The following ARMC8 variants were observed in gnomAD, a reference collection of about 807,000 sequenced individuals.
The protein encoded by ARMC8 is armadillo repeat-containing protein 8.
In ARMC8, 20 loss-of-function variants were observed where a neutral mutation model predicts 99.3. The ratio of observed to expected loss-of-function variants is 0.20; its 90% CI spans 0.14 to 0.29. The LOEUF is 0.29. Ranked by LOEUF, ARMC8 falls within the 10% of genes least tolerant of loss-of-function variation. The pLI is 1.00. For synonymous variants in ARMC8, 263 were observed against 278.3 expected (o/e 0.95, Z 0.55); for missense variants, 569 against 809.5 (o/e 0.70, Z 3.60).
chr3:138,219,764 T>C (rs1286039809), intron 2 of ARMC8, among the ~76,000 whole-genome samples: 1 of 152,238 alleles, frequency 6.6e-6, no homozygotes, highest in African/African-American at 2.4e-5. Context: ...CATTGTATTG[T>C]GTTCTCTTTA....
At chr3:138,268,594 T>G (rs2048496691) in intron 15 of ARMC8, among the ~76,000 whole-genome samples, 1 of 152,066 alleles carries the variant, frequency 6.6e-6, no homozygotes, top group South Asian at 2.1e-4. Flanking sequence ...CGGGGCAACA[T>G]AGCAAGACCT....
At chr3:138,200,063 T>C (rs750909087) in intron 1 of ARMC8, among the ~76,000 whole-genome samples, 7 of 152,218 alleles carry the variant, frequency 4.6e-5, no homozygotes, top group Non-Finnish European at 8.8e-5. Context: ...ATAATAGATA[T>C]TTTGTGGCAC....
chr3:138,207,037 C>T (rs545938034), intron 1 of ARMC8, among the ~76,000 whole-genome samples: 3 of 152,318 alleles, frequency 2.0e-5, no homozygotes, highest in South Asian at 2.1e-4. Context: ...TTACATCCTG[C>T]GGTGCCTCTC....
intron 12 of ARMC8, among the ~76,000 whole-genome samples, chr3:138,260,875 C>T (rs910357374): frequency 2.0e-5 from 3 of 152,178 alleles, no homozygotes; most frequent in Non-Finnish European, 4.4e-5. Flanking sequence ...CTTCTACCAC[C>T]ACCACATTCT....
rs112163282 is a variant in ARMC8, at chr3:138,212,732, A to G, written c.122+2839A>G. Among the ~76,000 whole-genome samples, 740 of 152,334 alleles carry G rather than the reference A, an allele frequency of 4.9e-3. 5 individuals carry two copies. The highest frequency in any genetic ancestry group is 6.7e-3 in the Non-Finnish European group (457 of 68,038). Reference sequence around the variant, plus strand: ...GTCATCATTAAGTCACCATTAAGTCATCATTAAGAGACCATTACTAGACCA... The same window carrying G: ...GTCATCATTAAGTCACCATTAAGTCGTCATTAAGAGACCATTACTAGACCA... On this transcript the variant is annotated intron_variant, in intron 2 of 21. Transcript: ENST00000469044.
In ARMC8 at chr3:138,235,044, A is replaced by C; in HGVS notation, c.539A>C (p.His180Pro). The stretch of plus-strand genomic sequence containing the variant: ...TCTTTTTTCTTACAGGGGCCAGATC[A>C]TCAAACAATTTTATTTAACCACGGT... ...IFSHCCKGPD[H>P]QTILFNHGAV... Residue 180 changes from histidine (H) to proline (P), a missense_variant, in exon 7 of 22, where the codon CAT becomes CCT. His to Pro is a moderately conservative substitution (Grantham distance 77, BLOSUM62 -2). Transcript: ENST00000469044. 1 of 1,613,652 alleles carries C rather than the reference A, an allele frequency of 6.2e-7. No homozygotes were observed. The highest frequency in any genetic ancestry group is 1.1e-5 in the South Asian group (1 of 91,060).
intron 14 of ARMC8, 89 bp downstream of exon 14, chr3:138,264,301 A>G (rs957242226): frequency 3.9e-5 from 37 of 954,838 alleles, no homozygotes; most frequent in Non-Finnish European, 5.5e-5. Context: ...GTCTAGGAGT[A>G]TGTCTGATTT....
At chr3:138,188,145 A>G (rs1215303765) in intron 1 of ARMC8, 6 of 246,738 alleles carry the variant, frequency 2.4e-5, no homozygotes, top group Non-Finnish European at 4.8e-5. Flanking sequence ...CTTTTTGGCA[A>G]TGGTGATTCG....
At chr3:138,234,947 G>A (rs2046252467) in intron 6 of ARMC8, 87 bp from the exon 7 acceptor site, 2 of 1,060,650 alleles carry the variant, frequency 1.9e-6, no homozygotes. Context: ...TGTAGTGAAT[G>A]TGGTTTTCTA....
intron 6 of ARMC8, among the ~76,000 whole-genome samples, chr3:138,234,185 A>AGCCTCC (rs759275742): frequency 2.0e-5 from 3 of 151,488 alleles, no homozygotes; most frequent in Non-Finnish European, 4.4e-5. Flanking sequence ...GGCTCACTGC[A>AGCCTCC]GCCTCCGCCT....
Position 138,290,408 on chromosome 3 carries a change from T to A in ARMC8, c.1895-138T>A, listed in dbSNP as rs2050824641. 7 of 635,950 alleles carry A rather than the reference T, an allele frequency of 1.1e-5. No homozygotes were observed. In the South Asian group the frequency reaches 1.4e-4, roughly 12 times the overall value. The allele number at this position is 635,950 out of a possible 1,614,324, so 39.4% of individuals were successfully genotyped here. A position where few individuals can be genotyped will look rare whatever the true frequency, so the allele number is the denominator to read the frequency against. ...CCAAGCATGAGCGGGTCCAACTACA[T>A]TGGGAGAGGGTAGAGGACAAGGGGT... On this transcript the variant is annotated intron_variant, in intron 20 of 21. Coordinates refer to ENST00000469044, the MANE Select transcript of ARMC8 (RefSeq NM_001363941.2).
intron 10 of ARMC8, among the ~76,000 whole-genome samples, chr3:138,240,637 T>G (rs1191988499): frequency 6.6e-6 from 1 of 152,224 alleles, no homozygotes; most frequent in Non-Finnish European, 1.5e-5. Context: ...ATTATAAAGC[T>G]TCTACTAGCC....
At chr3:138,249,169 T>C (rs1271541712) in intron 12 of ARMC8, among the ~76,000 whole-genome samples, 1 of 152,194 alleles carries the variant, frequency 6.6e-6, no homozygotes, top group Non-Finnish European at 1.5e-5. Context: ...TATTGCATTA[T>C]TAAGCACCCA....
chr3:138,206,381 C>A (rs2044373030), intron 1 of ARMC8, among the ~76,000 whole-genome samples: 1 of 152,220 alleles, frequency 6.6e-6, no homozygotes, highest in Non-Finnish European at 1.5e-5. Context: ...CAGCTCTTTA[C>A]CATCTGGCGC....
intron 1 of ARMC8, among the ~76,000 whole-genome samples, chr3:138,193,521 C>T (rs2043517057): frequency 6.6e-6 from 1 of 152,224 alleles, no homozygotes; most frequent in African/African-American, 2.4e-5. Context: ...CCACCTTGGC[C>T]TCCCCAAGTG....
intron 11 of ARMC8, among the ~76,000 whole-genome samples, chr3:138,244,196 A>G (rs1313910892): frequency 6.6e-6 from 1 of 152,170 alleles, no homozygotes; most frequent in Non-Finnish European, 1.5e-5. Flanking sequence ...ATAGATAATA[A>G]TGGTTACCAT....
chr3:138,211,019 GC>G (rs1213598098), intron 2 of ARMC8, among the ~76,000 whole-genome samples: 8 of 151,430 alleles, frequency 5.3e-5, no homozygotes, highest in African/African-American at 1.7e-4. Flanking sequence ...TGTTAACTTT[GC>G]CTTTGTTCCC....
Position 138,296,479 on chromosome 3 carries a change from A to G in ARMC8, c.*587A>G, listed in dbSNP as rs1403063811. 6.6e-6 allele frequency: 1 copy of G among 152,174 alleles called. No individual in the cohort carries two copies. The highest frequency in any genetic ancestry group is 1.9e-4 in the East Asian group (1 of 5,204). 9.4% of individuals were successfully genotyped at this position (152,174 alleles called of 1,614,324 possible). A position where few individuals can be genotyped will look rare whatever the true frequency, so the allele number is the denominator to read the frequency against. ...GGTTATGTTGAATTTTGGTCAGATG[A>G]ATATTTGTAAGTAAAAAATATATGC... On this transcript the variant is annotated 3_prime_UTR_variant, in exon 22 of 22. Transcript: ENST00000469044.
chr3:138,256,402 CTTTTTTT>C (rs71146121), intron 12 of ARMC8, among the ~76,000 whole-genome samples: 3 of 90,302 alleles, frequency 3.3e-5, no homozygotes, highest in African/African-American at 9.1e-5. Context: ...TTTCCTCCTT[CTTTTTTT>C]TTTTTTTTTT....
Sources: allele counts gnomAD v4.1 joint callset (sites outside exome capture counted in the v4.1 genomes callset), GRCh38; gene constraint gnomAD v4.1.1; transcripts MANE v1.5; gene names NCBI Gene and HGNC (gene_info 2026-07-23, HGNC 2026-07-21).